Variants in PDE4D observed in about 807,000 individuals in gnomAD.
The protein encoded by PDE4D is 3',5'-cyclic-AMP phosphodiesterase 4D.
PDE4D carries 24 observed loss-of-function variants against 87.4 expected under a neutral mutation model. The ratio of observed to expected loss-of-function variants is 0.27; its 90% CI spans 0.20 to 0.39. The LOEUF is 0.39. PDE4D is among the 10% of genes least tolerant of loss of function. The pLI, the probability that PDE4D is intolerant of heterozygous loss-of-function variation, is 1.00. For missense variants in PDE4D, 714 were observed against 1,041.0 expected (o/e 0.69, Z 4.32); for synonymous variants, 384 against 383.2 (o/e 1.00, Z -0.02).
chr5:59,561,956 A>G (rs190343221), intron 1 of PDE4D, among the ~76,000 whole-genome samples: 1 of 152,036 alleles, frequency 6.6e-6, no homozygotes, highest in African/African-American at 2.4e-5. Context: ...AATTAAATAA[A>G]ATGTAGATTA....
intron 1 of PDE4D, among the ~76,000 whole-genome samples, chr5:59,225,117 A>T (rs563986641): frequency 6.6e-6 from 1 of 152,056 alleles, no homozygotes; most frequent in African/African-American, 2.4e-5. Context: ...TTTCCCCCTA[A>T]ATTTTCTTCT....
At chr5:60,009,548 T>C (rs1158453843) in intron 2 of PDE4D, among the ~76,000 whole-genome samples, 2 of 152,094 alleles carry the variant, frequency 1.3e-5, no homozygotes, top group African/African-American at 4.8e-5. Context: ...GTTAGCGTCA[T>C]GTGTTTAGGA....
chr5:60,381,836 G>C (rs770073927), intron 1 of PDE4D, among the ~76,000 whole-genome samples: 99 of 152,140 alleles, frequency 6.5e-4, no homozygotes, highest in Non-Finnish European at 1.2e-3. Flanking sequence ...CCATGAGAAT[G>C]AATAAGGCAC....
At chr5:59,934,524 C>A (rs1227145993) in intron 3 of PDE4D, among the ~76,000 whole-genome samples, 1 of 152,128 alleles carries the variant, frequency 6.6e-6, no homozygotes, top group Non-Finnish European at 1.5e-5. Flanking sequence ...CAACAACCTG[C>A]TGTGAGTGGT....
chr5:59,604,706 C>T lies in PDE4D; in HGVS notation c.455+288462G>A, dbSNP rs149389756. Among the ~76,000 whole-genome samples the T allele has an allele frequency of 2.4e-3, 365 of 151,980 alleles. 1 individual carries two copies. Among genetic ancestry groups the T allele is most frequent in the Non-Finnish European group, 3.6e-3 (242 of 67,910 alleles). On this transcript the variant is annotated intron_variant, in intron 1 of 14. Transcript: ENST00000340635. The stretch of plus-strand genomic sequence containing the variant: ...TGATAACCAAAAATAAATCAAACTA[C>T]AATGAGGTATTTTGCCTATCACATT...
rs1021330738 is a variant in PDE4D, at chr5:58,970,605, T to C, written c.*4059A>G. ...AGAGGATAGTGAATGCTTTCTGCTA[T>C]GTAAACTGACATCAACCCACCTTTG... On this transcript the variant is annotated 3_prime_UTR_variant, in exon 15 of 15. Transcript: ENST00000340635. 1 of 152,214 alleles carries C rather than the reference T, an allele frequency of 6.6e-6. No individual in the cohort carries two copies. 9.4% of individuals were successfully genotyped at this position (152,214 alleles called of 1,614,324 possible).
At chr5:59,454,545 C>T (rs1374288761) in intron 1 of PDE4D, among the ~76,000 whole-genome samples, 1 of 152,122 alleles carries the variant, frequency 6.6e-6, no homozygotes, top group African/African-American at 2.4e-5. Flanking sequence ...CTTTTTCTCC[C>T]CAGTCTCAGG....
At chr5:60,295,362 G>A (rs554265826) in intron 1 of PDE4D, among the ~76,000 whole-genome samples, 2 of 152,184 alleles carry the variant, frequency 1.3e-5, no homozygotes, top group Non-Finnish European at 2.9e-5. Flanking sequence ...TTGCACTGTT[G>A]CTAAGACCTT....
chr5:60,345,983 T>TA (rs58540394), intron 1 of PDE4D, among the ~76,000 whole-genome samples: 15,929 of 151,990 alleles, frequency 0.1, 1,646 homozygotes, highest in African/African-American at 0.27. Flanking sequence ...TTCTTTTTTA[T>TA]AAAAAAAACC....
At chr5:59,244,444 A>G (rs1758337146) in intron 1 of PDE4D, among the ~76,000 whole-genome samples, 1 of 126,016 alleles carries the variant, frequency 7.9e-6, no homozygotes, top group African/African-American at 3.2e-5. Flanking sequence ...ATATATGTAT[A>G]CACACACATA....
At chr5:60,063,769 G>T (rs1771746504) in intron 2 of PDE4D, among the ~76,000 whole-genome samples, 1 of 152,066 alleles carries the variant, frequency 6.6e-6, no homozygotes, top group Admixed American at 6.6e-5. Flanking sequence ...AGTGAGATTT[G>T]CATGGAGGTG....
At chr5:60,152,755 A>G (rs1480967575) in intron 2 of PDE4D, among the ~76,000 whole-genome samples, 1 of 150,774 alleles carries the variant, frequency 6.6e-6, no homozygotes, top group Non-Finnish European at 1.5e-5. Flanking sequence ...CTCATTTGTT[A>G]TTGGTCTATT....
chr5:60,343,022 T>C (rs946502505), intron 1 of PDE4D, among the ~76,000 whole-genome samples: 1 of 152,202 alleles, frequency 6.6e-6, no homozygotes, highest in African/African-American at 2.4e-5. Context: ...AAAAATTAAA[T>C]ATGTATTCTT....
intron 1 of PDE4D, among the ~76,000 whole-genome samples, chr5:59,714,315 TGA>T (rs1243665496): frequency 2.6e-5 from 4 of 152,238 alleles, no homozygotes; most frequent in African/African-American, 9.6e-5. Flanking sequence ...CATTGCTGTA[TGA>T]CCTGGTCCCA....
At chr5:59,896,806 A>G (rs1389677194), upstream of PDE4D, among the ~76,000 whole-genome samples, 2 of 152,200 alleles carry the variant, frequency 1.3e-5, no homozygotes, top group Non-Finnish European at 1.5e-5. Flanking sequence ...AGTTGCCTCT[A>G]TGCTAAAAGA....
chr5:59,794,298 G>A (rs1298796410), intron 1 of PDE4D, among the ~76,000 whole-genome samples: 1 of 152,204 alleles, frequency 6.6e-6, no homozygotes, highest in South Asian at 2.1e-4. Flanking sequence ...GAGACAGAAA[G>A]AAGATGAGTC....
chr5:60,034,063 G>T (rs1767529303), intron 2 of PDE4D, among the ~76,000 whole-genome samples: 2 of 152,186 alleles, frequency 1.3e-5, no homozygotes, highest in South Asian at 4.1e-4. Flanking sequence ...AGGATAAGCA[G>T]GAATTTGCTG....
intron 1 of PDE4D, among the ~76,000 whole-genome samples, chr5:60,211,540 G>T (rs1024209662): frequency 6.7e-6 from 1 of 148,580 alleles, no homozygotes; most frequent in Non-Finnish European, 1.5e-5. Context: ...ATGTTTATTT[G>T]TATATATGTT....
intron 1 of PDE4D, among the ~76,000 whole-genome samples, chr5:59,478,301 G>C (rs908761236): frequency 3.9e-5 from 6 of 152,080 alleles, no homozygotes; most frequent in Admixed American, 1.3e-4. Context: ...ATTCTTGCCA[G>C]AGTATTATCT....
Sources: gnomAD v4.1 joint callset for allele counts (sites outside exome capture counted in the v4.1 genomes callset) on GRCh38, gnomAD v4.1.1 for gene constraint, MANE v1.5 for transcripts, NCBI Gene and HGNC (gene_info 2026-07-23, HGNC 2026-07-21) for gene names.